The following SLC35G2 variants were observed in gnomAD, a reference collection of about 807,000 sequenced individuals.
SLC35G2 encodes transmembrane protein 22.
In SLC35G2, 20 loss-of-function variants were observed where a neutral mutation model predicts 27.2. The observed-to-expected ratio is 0.74, with a 90% CI of 0.52 to 1.07. SLC35G2 has a LOEUF of 1.07. SLC35G2 is among the 50% of genes least tolerant of loss of function. The probability of loss-of-function intolerance (pLI) is 0.00; values close to 1 mark genes in which losing one functional copy is unlikely to be tolerated. For synonymous variants in SLC35G2, 148 were observed against 165.3 expected, an observed-to-expected ratio of 0.90 and a Z score of 0.80; for missense variants, 416 against 493.3, an observed-to-expected ratio of 0.84 and a Z score of 1.48.
chr3:136,850,402 C>T (rs1316393897), intron 1 of SLC35G2, among the ~76,000 whole-genome samples: 1 of 151,546 alleles, frequency 6.6e-6, no homozygotes, highest in Non-Finnish European at 1.5e-5. Flanking sequence ...TTTTTTAAAC[C>T]TCTTAAAAGT....
rs1341296561 is a variant in SLC35G2, at chr3:136,826,976, T to TC, written c.-19+7348_-19+7349insC. Among the ~76,000 whole-genome samples the TC allele has an allele frequency of 1.2e-4, 18 of 144,188 alleles. No individual in the cohort carries two copies. In the South Asian group the frequency reaches 2.9e-3, roughly 23 times the overall value. The allele number at this position is 144,188 out of a possible 152,430, so 94.6% of individuals were successfully genotyped here. On this transcript the variant is annotated intron_variant, in intron 1 of 1. Coordinates refer to ENST00000446465, the MANE Select transcript of SLC35G2 (RefSeq NM_025246.3). Reference sequence around the variant, plus strand: ...TTTGGATCTTCTCTCTTTTTTCTTTTTTTTTTTTTTAGTATTTATTGATCA... The same window carrying TC: ...TTTGGATCTTCTCTCTTTTTTCTTTTCTTTTTTTTTTAGTATTTATTGATCA...
intron 1 of SLC35G2, among the ~76,000 whole-genome samples, chr3:136,851,914 C>T (rs554444650): frequency 1.3e-5 from 2 of 152,176 alleles, no homozygotes; most frequent in East Asian, 1.9e-4. Flanking sequence ...TAACCCAAAC[C>T]ACAATTATAA....
chr3:136,835,790 T>C (rs896210423), intron 1 of SLC35G2, among the ~76,000 whole-genome samples: 5 of 152,196 alleles, frequency 3.3e-5, no homozygotes, highest in Admixed American at 2.6e-4. Flanking sequence ...TTTTATCCAA[T>C]AGATTATAAG....
rs58243269 is a variant in SLC35G2, at chr3:136,844,797, CAAAAAAAAAA to C, written c.-18-9630_-18-9621del. 2.0e-4 allele frequency among the ~76,000 whole-genome samples: 7 copies of C among 35,780 alleles called. No homozygotes were observed. The East Asian group carries it at 2.6e-3, about 14-fold the overall frequency. 23.5% of individuals were successfully genotyped at this position (35,780 alleles called of 152,430 possible). On this transcript the variant is annotated intron_variant, in intron 1 of 1. Coordinates refer to ENST00000446465, the MANE Select transcript of SLC35G2 (RefSeq NM_025246.3). ...TGGGCGACAGCAAGACTCTCTGTCT[CAAAAAAAAAA>C]AAAAAAAAAAAAAAAGAAAACAAGA... is the stretch of plus-strand genomic sequence containing the variant.
intron 1 of SLC35G2, among the ~76,000 whole-genome samples, chr3:136,821,463 T>A (rs1936454611): frequency 6.6e-6 from 1 of 152,180 alleles, no homozygotes; most frequent in Non-Finnish European, 1.5e-5. Context: ...AAAATTTTTT[T>A]TTGAGACATT....
chr3:136,843,862 A>G (rs1025152351), intron 1 of SLC35G2, among the ~76,000 whole-genome samples: 4 of 152,166 alleles, frequency 2.6e-5, no homozygotes, highest in Non-Finnish European at 5.9e-5. Flanking sequence ...TGAACCCAGG[A>G]GGTGGAGGTT....
intron 1 of SLC35G2, chr3:136,838,873 A>C (rs1188314977): frequency 6.6e-6 from 1 of 152,236 alleles, no homozygotes; most frequent in African/African-American, 2.4e-5. Flanking sequence ...TAAATTACAA[A>C]CAACCAAGAA....
intron 1 of SLC35G2, among the ~76,000 whole-genome samples, chr3:136,823,260 T>A (rs1341605208): frequency 1.3e-5 from 2 of 152,224 alleles, no homozygotes; most frequent in Admixed American, 1.3e-4. Context: ...ATTGGATCAT[T>A]AGATTTATTC....
chr3:136,829,716 C>T (rs1245557642), intron 1 of SLC35G2, among the ~76,000 whole-genome samples: 6 of 151,736 alleles, frequency 4.0e-5, no homozygotes, highest in African/African-American at 1.5e-4. Context: ...TTTTTTTCCC[C>T]CTTGGCACTT....
chr3:136,841,776 T>TAA, intron 1 of SLC35G2: 1 of 150,826 alleles, frequency 6.6e-6, no homozygotes, highest in Non-Finnish European at 1.5e-5. Context: ...AATAAATAAA[T>TAA]ATCAGAGTCC....
At chr3:136,840,209 G>C (rs1191163747) in intron 1 of SLC35G2, among the ~76,000 whole-genome samples, 3 of 152,130 alleles carry the variant, frequency 2.0e-5, no homozygotes, top group Non-Finnish European at 4.4e-5. Flanking sequence ...CCAAAATAAG[G>C]GTTCTCTTGT....
Position 136,855,818 on chromosome 3 carries a change from T to C in SLC35G2, c.*119T>C. The C allele has an allele frequency of 2.8e-6, 2 of 720,016 alleles. No homozygotes were observed. Among genetic ancestry groups the C allele is most frequent in the Non-Finnish European group, 4.5e-6 (2 of 439,920 alleles). 44.6% of individuals were successfully genotyped at this position (720,016 alleles called of 1,614,324 possible). ...ACAGAGTGCTATAAAATATATAATA[T>C]ATACAAATGCAGAAAATTTATTCTA... On this transcript the variant is annotated 3_prime_UTR_variant, in exon 2 of 2. Coordinates refer to ENST00000446465, the MANE Select transcript of SLC35G2 (RefSeq NM_025246.3).
Position 136,824,038 on chromosome 3 carries a change from T to C in SLC35G2, c.-19+4410T>C, listed in dbSNP as rs564155149. Among the ~76,000 whole-genome samples the C allele has an allele frequency of 9.8e-5, 15 of 152,304 alleles. 1 individual carries two copies. Among genetic ancestry groups the C allele is most frequent in the African/African-American group, 2.9e-4 (12 of 41,576 alleles). On this transcript the variant is annotated intron_variant, in intron 1 of 1. Transcript: ENST00000446465. ...GGAAAATGAGTTTACTGTAGCTGTA[T>C]GGATTTATTTCTGGGTTCTCTATTC... is the stretch of plus-strand genomic sequence containing the variant.
At chr3:136,848,734 A>C (rs1008359405) in intron 1 of SLC35G2, among the ~76,000 whole-genome samples, 2 of 152,242 alleles carry the variant, frequency 1.3e-5, no homozygotes, top group African/African-American at 2.4e-5. Flanking sequence ...GTGGGAGCTA[A>C]ACAATTACAC....
chr3:136,832,169 A>G (rs923566635), intron 1 of SLC35G2, among the ~76,000 whole-genome samples: 3 of 152,052 alleles, frequency 2.0e-5, no homozygotes, highest in Non-Finnish European at 4.4e-5. Flanking sequence ...GCCCGCCACC[A>G]GGCCTGGCTA....
chr3:136,851,873 C>T (rs1290999783), intron 1 of SLC35G2, among the ~76,000 whole-genome samples: 1 of 152,090 alleles, frequency 6.6e-6, no homozygotes, highest in East Asian at 1.9e-4. Flanking sequence ...AGTTAGGATG[C>T]TGTTGCAATA....
intron 1 of SLC35G2, among the ~76,000 whole-genome samples, chr3:136,829,024 T>G (rs1295445342): frequency 6.6e-6 from 1 of 152,010 alleles, no homozygotes; most frequent in Non-Finnish European, 1.5e-5. Context: ...CTCTACACTT[T>G]AACTTTATCT....
At chr3:136,849,578 G>A (rs949993899) in intron 1 of SLC35G2, among the ~76,000 whole-genome samples, 110 of 151,644 alleles carry the variant, frequency 7.3e-4, no homozygotes, top group Admixed American at 7.2e-4. Context: ...TGCAACCTCC[G>A]CCTCCTGGGT....
At chr3:136,834,160 G>A (rs1466138849) in intron 1 of SLC35G2, among the ~76,000 whole-genome samples, 8 of 151,760 alleles carry the variant, frequency 5.3e-5, no homozygotes, top group Admixed American at 5.2e-4. Context: ...CTTTTGCTTG[G>A]GGACACTAGT....
Sources: gnomAD v4.1 joint callset for allele counts (sites outside exome capture counted in the v4.1 genomes callset) on GRCh38, gnomAD v4.1.1 for gene constraint, MANE v1.5 for transcripts, NCBI Gene and HGNC (gene_info 2026-07-23, HGNC 2026-07-21) for gene names.